FAM186A: variants seen among roughly 807,000 people sequenced by gnomAD.
FAM186A encodes family with sequence similarity 186 member A, also known as protein FAM186A.
Under a neutral mutation model 216.8 loss-of-function variants are expected in FAM186A, and 163 were observed. The ratio of observed to expected loss-of-function variants is 0.75; its 90% CI spans 0.66 to 0.86. The LOEUF is 0.86. Among genes scored for constraint, FAM186A ranks in the 40% least tolerant of loss-of-function variants. FAM186A has a pLI of 0.00. For missense variants in FAM186A, 2,184 were observed against 2,746.2 expected (o/e 0.80, Z 4.58); for synonymous variants, 805 against 1,025.3 (o/e 0.79, Z 4.10).
At chr12:50,330,474 G>T in intron 7 of FAM186A, 99 bp downstream of exon 7, 1 of 1,230,784 alleles carries the variant, frequency 8.1e-7, no homozygotes, top group Non-Finnish European at 1.1e-6. Context: ...ATTACTTTTG[G>T]TTGATGTACC....
intron 4 of FAM186A, among the ~76,000 whole-genome samples, chr12:50,347,769 A>G (rs1211457132): frequency 6.6e-6 from 1 of 152,030 alleles, no homozygotes; most frequent in Non-Finnish European, 1.5e-5. Context: ...GCCCTAATCC[A>G]TTTCTGATAT....
Position 50,363,208 on chromosome 12 carries a change from C to T in FAM186A, c.349G>A (p.Ala117Thr), listed in dbSNP as rs1161524234. Residue 117 changes from alanine (A) to threonine (T), a missense_variant, in exon 2 of 8, where the codon GCT (alanine) becomes ACT (threonine). This residue lies in a region of FAM186A where 1,132 missense variants were observed against 1,263.4 expected (regional missense o/e 0.90). Coordinates refer to ENST00000327337, the MANE Select transcript of FAM186A (RefSeq NM_001145475.3). ...TNFLEKMATY[A>T]KTIEIREKTL... ...TTTTCTCTTATTTCAATAGTCTTAG[C>T]GTAAGTAGCCATTTTCTCAAGAAAA... 1.8e-5 allele frequency: 28 copies of T among 1,551,490 alleles called. No homozygotes were observed. The highest frequency in any genetic ancestry group is 3.9e-5 in the Admixed American group (2 of 50,990).
rs113677359 is a variant in FAM186A at position 50,353,676 on chromosome 12, G to C, written c.3156C>G (p.Pro1052=). ...EKEPISITPP[P]SLQYSLPGAL... ...CTCCAGGCAGGGAGTATTGTAGGGA[G>C]GGGGGAGGTGTGATTGATATGGGCT... is the stretch of plus-strand genomic sequence containing the variant. The change falls in exon 4 of 8, where the codon CCC becomes CCG. Residue 1052 remains proline (P), a synonymous_variant. Transcript: ENST00000327337. 439 of 1,536,234 alleles carry C rather than the reference G, an allele frequency of 2.9e-4. 2 individuals are homozygous for C. The African/African-American group carries it at 4.9e-3, about 17-fold the overall frequency.
At chr12:50,385,095 A>G (rs1943289496) in intron 1 of FAM186A, among the ~76,000 whole-genome samples, 1 of 147,180 alleles carries the variant, frequency 6.8e-6, no homozygotes, top group Admixed American at 6.8e-5. Flanking sequence ...ATGAGCCACC[A>G]TGCCCAGCCT....
At chr12:50,385,070 G>A (rs1008492653) in intron 1 of FAM186A, among the ~76,000 whole-genome samples, 1 of 151,414 alleles carries the variant, frequency 6.6e-6, no homozygotes, top group Non-Finnish European at 1.5e-5. Flanking sequence ...CTCCCAAAGT[G>A]CTGGGATTAC....
At chr12:50,377,153 GA>G (rs1426772159) in intron 1 of FAM186A, among the ~76,000 whole-genome samples, 5 of 151,986 alleles carry the variant, frequency 3.3e-5, no homozygotes, top group African/African-American at 1.2e-4. Flanking sequence ...TAAAAAGGGG[GA>G]AAAAAGAACT....
chr12:50,329,066 G>A (rs1250742245), intron 7 of FAM186A, among the ~76,000 whole-genome samples: 1 of 152,154 alleles, frequency 6.6e-6, no homozygotes, highest in African/African-American at 2.4e-5. Flanking sequence ...GTTGCAGTGA[G>A]CCAAGATTGC....
At chr12:50,390,585 C>T (rs12313332) in intron 1 of FAM186A, among the ~76,000 whole-genome samples, 5 of 152,132 alleles carry the variant, frequency 3.3e-5, no homozygotes, top group African/African-American at 1.2e-4. Flanking sequence ...TGCTGCTTTC[C>T]TGCTGCTGTC....
chr12:50,378,252 C>A (rs1201104512), intron 1 of FAM186A, among the ~76,000 whole-genome samples: 1 of 151,122 alleles, frequency 6.6e-6, no homozygotes, highest in South Asian at 2.1e-4. Context: ...TGAAGTCAGC[C>A]GAGCACGGTG....
In FAM186A at chr12:50,353,142, A is replaced by G. The variant is rs1480797315; in HGVS notation, c.3690T>C (p.Thr1230=). 6.7e-7 allele frequency: 1 copy of G among 1,496,680 alleles called. No homozygotes were observed. The highest frequency in any genetic ancestry group is 2.7e-5 in the East Asian group (1 of 37,218). The allele number at this position is 1,496,680 out of a possible 1,614,324, so 92.7% of individuals were successfully genotyped here. A position where few individuals can be genotyped will look rare whatever the true frequency, so the allele number is the denominator to read the frequency against. Residue 1230 remains threonine (T), a synonymous_variant, in exon 4 of 8, where the codon ACT becomes ACC. Coordinates refer to ENST00000327337, the MANE Select transcript of FAM186A (RefSeq NM_001145475.3). ...TPQQAQALGI[T]LTLQQAQQLG... is the part of the protein sequence containing the mutation. ...ATTGCTGGGCCTGCTGAAGGGTTAG[A>G]GTGATCCCCAGGGCCTGGGCCTGCT... is the stretch of plus-strand genomic sequence containing the variant.
In FAM186A at chr12:50,330,560, G is replaced by A; in HGVS notation, c.7034+13C>T. ...AGGCCCAATTACCAGAGTGCTTCCA[G>A]TCCATAACTTACCGTGATTGGAGGG... On this transcript the variant is annotated intron_variant, in intron 7 of 7. Transcript: ENST00000327337. 1 of 1,548,644 alleles carries A rather than the reference G, an allele frequency of 6.5e-7. No individual in the cohort carries two copies. Among genetic ancestry groups the A allele is most frequent in the Non-Finnish European group, 8.7e-7 (1 of 1,145,906 alleles).
Position 50,391,690 on chromosome 12 carries a change from AGCCTCTGCCTCCTAGGCAGATTCTCAT to A in FAM186A, c.192+4576_192+4602del, listed in dbSNP as rs550356348. ...CAGTGGCTCGATCTTGGCTCACTGC[AGCCTCTGCCTCCTAGGCAGATTCTCAT>A]GCCTCTGCCTCCCAAGTAGCTGGGA... On this transcript the variant is annotated intron_variant, in intron 1 of 7. Coordinates refer to ENST00000327337, the MANE Select transcript of FAM186A (RefSeq NM_001145475.3). 5.6e-3 allele frequency among the ~76,000 whole-genome samples: 858 copies of A among 152,216 alleles called. 6 individuals carry two copies. Among genetic ancestry groups the A allele is most frequent in the African/African-American group, 0.02 (836 of 41,528 alleles).
intron 1 of FAM186A, among the ~76,000 whole-genome samples, chr12:50,379,063 G>A (rs1423457636): frequency 1.3e-5 from 2 of 152,204 alleles, no homozygotes; most frequent in Admixed American, 1.3e-4. Flanking sequence ...CCAGCACTTT[G>A]AGAGGCCGAG....
At chr12:50,370,123 CAAA>C (rs56403101) in intron 1 of FAM186A, among the ~76,000 whole-genome samples, 2 of 38,444 alleles carry the variant, frequency 5.2e-5, no homozygotes, top group African/African-American at 1.3e-4. Context: ...GACTCCATCT[CAAA>C]AAAAAAAAAA....
chr12:50,355,798 G>A lies in FAM186A; in HGVS notation c.1034C>T (p.Ser345Phe). The change falls in exon 4 of 8, where the codon TCC (serine) becomes TTC (phenylalanine). Residue 345 changes from serine (S) to phenylalanine (F), a missense_variant. By Grantham distance (155) the Ser-to-Phe change is radical. This residue lies in a region of FAM186A where 1,132 missense variants were observed against 1,263.4 expected (regional missense o/e 0.90). Transcript: ENST00000327337. ...TAACACTTTCAAGGTTGATGATGTG[G>A]ACAATTTTGCATATAGTTGTTCTAT... ...IVIEQLYAKL[S>F]TSSTLKVLPG... 1 of 1,551,618 alleles carries A rather than the reference G, an allele frequency of 6.4e-7. No individual in the cohort carries two copies. The highest frequency in any genetic ancestry group is 8.7e-7 in the Non-Finnish European group (1 of 1,146,962).
chr12:50,385,575 T>G (rs1241580019), intron 1 of FAM186A, among the ~76,000 whole-genome samples: 1 of 151,872 alleles, frequency 6.6e-6, no homozygotes, highest in Non-Finnish European at 1.5e-5. Context: ...CTAAAAGGCT[T>G]CTTCATGATT....
At chr12:50,379,344 G>C (rs1592630496) in intron 1 of FAM186A, among the ~76,000 whole-genome samples, 1 of 151,896 alleles carries the variant, frequency 6.6e-6, no homozygotes. Context: ...GGAGGCTGAG[G>C]CAGGAGAATG....
intron 1 of FAM186A, among the ~76,000 whole-genome samples, chr12:50,385,410 T>C (rs1470199472): frequency 6.6e-5 from 9 of 135,362 alleles, no homozygotes; most frequent in African/African-American, 2.5e-4. Flanking sequence ...AGAGCAAGAC[T>C]CTGTCTCAAA....
rs1401308944 is a variant in FAM186A, at chr12:50,350,544, A to G, written c.6288T>C (p.Ser2096=). The G allele has an allele frequency of 1.3e-6, 2 of 1,551,438 alleles. No individual in the cohort carries two copies. Among genetic ancestry groups the G allele is most frequent in the Non-Finnish European group, 1.7e-6 (2 of 1,146,972 alleles). Residue 2096 remains serine (S), a synonymous_variant, in exon 4 of 8, where the codon TCT becomes TCC. Transcript: ENST00000327337. ...ACCTCTTTTCTTCAAGTTCTTGAGG[A>G]GAGGAAGGGGGCACCATTACTTTGG... The part of the protein sequence containing the change: ...KKPKVMVPPS[S]PQELEEKRYF...
Sources: allele counts gnomAD v4.1 joint callset (sites outside exome capture counted in the v4.1 genomes callset), GRCh38; gene constraint gnomAD v4.1.1; regional missense constraint gnomAD v4.1.1; transcripts MANE v1.5; gene names NCBI Gene and HGNC (gene_info 2026-07-23, HGNC 2026-07-21).